Variants in UGT1A10 observed in about 807,000 individuals in gnomAD.
UGT1A10 encodes UDP glucuronosyltransferase family 1 member A10, also known as UDP-glucuronosyltransferase 1A10.
UGT1A10 carries 49 observed loss-of-function variants against 45.8 expected under a neutral mutation model. That is an observed-to-expected ratio of 1.07 (90% CI 0.85 to 1.36). The LOEUF is 1.36. Among genes scored for constraint, UGT1A10 ranks in the 40% most tolerant of loss-of-function variants. UGT1A10 has a pLI of 0.00. For missense variants in UGT1A10, 745 were observed against 668.6 expected (o/e 1.11, Z -1.26); for synonymous variants, 284 against 249.7 (o/e 1.14, Z -1.29).
In UGT1A10 at chr2:233,636,939, G is replaced by C. The variant is rs769021073; in HGVS notation, c.417G>C (p.Glu139Asp). ...GAAAATTAGTAGAATACTTAAAGGA[G>C]AGTTCTTTTGATGCAGTGTTTCTGG... ...NDRKLVEYLK[E>D]SSFDAVFLDP... Residue 139 changes from glutamate to aspartate, a missense_variant, in exon 1 of 5, where the codon GAG (glutamate) becomes GAC (aspartate). Coordinates refer to ENST00000344644, the MANE Select transcript of UGT1A10 (RefSeq NM_019075.4). 1.2e-6 allele frequency: 2 copies of C among 1,614,124 alleles called. No individual in the cohort carries two copies. The highest frequency in any genetic ancestry group is 1.7e-6 in the Non-Finnish European group (2 of 1,180,026).
At chr2:233,668,948 G>T (rs184928409) in intron 1 of UGT1A10, among the ~76,000 whole-genome samples, 38 of 152,296 alleles carry the variant, frequency 2.5e-4, no homozygotes, top group Admixed American at 9.2e-4. Flanking sequence ...AGCAATTCTG[G>T]TGAGGTATTC....
chr2:233,685,762 A>C (rs1323396149), intron 1 of UGT1A10, among the ~76,000 whole-genome samples: 1 of 152,156 alleles, frequency 6.6e-6, no homozygotes, highest in Non-Finnish European at 1.5e-5. Context: ...TTAAAGAAAA[A>C]TTTTGACTTT....
intron 1 of UGT1A10, among the ~76,000 whole-genome samples, chr2:233,641,454 G>T (rs1320046787): frequency 6.6e-6 from 1 of 152,152 alleles, no homozygotes; most frequent in African/African-American, 2.4e-5. Flanking sequence ...ATATCTTGTT[G>T]TACTGCCTAT....
Position 233,767,879 on chromosome 2 carries a change from T to C in UGT1A10, c.1018T>C (p.Ser340Pro). 1 of 1,614,180 alleles carries C rather than the reference T, an allele frequency of 6.2e-7. No homozygotes were observed. The highest frequency in any genetic ancestry group is 1.6e-4 in the Middle Eastern group (1 of 6,062). ...VLWRYTGTRP[S>P]NLANNTILVK... ...GTGGCGGTACACTGGAACCCGACCA[T>C]CGAATCTTGCGAACAACACGATACT... The change falls in exon 3 of 5, where the codon TCG becomes CCG. Residue 340 changes from serine (S) to proline (P), a missense_variant. Coordinates refer to ENST00000344644, the MANE Select transcript of UGT1A10 (RefSeq NM_019075.4).
At chr2:233,674,190 G>A (rs368031414) in intron 1 of UGT1A10, among the ~76,000 whole-genome samples, 1 of 152,166 alleles carries the variant, frequency 6.6e-6, no homozygotes, top group South Asian at 2.1e-4. Context: ...ATTGGCAGAT[G>A]TTTGGTGAAA....
intron 1 of UGT1A10, chr2:233,672,879 AT>A: frequency 6.6e-7 from 1 of 1,514,768 alleles, no homozygotes; most frequent in Non-Finnish European, 8.8e-7. Context: ...TGACATTTTC[AT>A]TTGTTTCATT....
At chr2:233,710,142 A>G (rs971862599) in intron 1 of UGT1A10, among the ~76,000 whole-genome samples, 1 of 152,224 alleles carries the variant, frequency 6.6e-6, no homozygotes, top group Non-Finnish European at 1.5e-5. Context: ...CATTGTATAG[A>G]TATATCATCA....
chr2:233,664,225 AT>A (rs2074031665), intron 1 of UGT1A10, among the ~76,000 whole-genome samples: 1 of 152,170 alleles, frequency 6.6e-6, no homozygotes, highest in Admixed American at 6.5e-5. Context: ...GGTCACAAGC[AT>A]TTAACCAGTC....
intron 1 of UGT1A10, chr2:233,755,218 C>A (rs1203897935): frequency 2.4e-5 from 25 of 1,027,326 alleles, no homozygotes; most frequent in Non-Finnish European, 3.5e-5. Flanking sequence ...TTCTTGATAC[C>A]CTCGGACGAG....
At chr2:233,732,540 C>T (rs929935072) in intron 1 of UGT1A10, among the ~76,000 whole-genome samples, 1 of 152,202 alleles carries the variant, frequency 6.6e-6, no homozygotes, top group Non-Finnish European at 1.5e-5. Context: ...CCAGTTTTCC[C>T]AGCACCATTT....
chr2:233,739,265 T>C (rs749101347), intron 1 of UGT1A10, among the ~76,000 whole-genome samples: 1 of 152,088 alleles, frequency 6.6e-6, no homozygotes, highest in Non-Finnish European at 1.5e-5. Flanking sequence ...AAATGTGAGG[T>C]TGGAGCCCCC....
intron 1 of UGT1A10, chr2:233,741,740 C>G (rs1158976781): frequency 1.3e-5 from 2 of 151,864 alleles, no homozygotes; most frequent in Admixed American, 6.6e-5. Flanking sequence ...CCATATCACA[C>G]TCTTTGTTGG....
intron 1 of UGT1A10, chr2:233,743,847 G>C (rs771949487): frequency 2.9e-6 from 4 of 1,367,222 alleles, no homozygotes; most frequent in East Asian, 4.5e-5. Flanking sequence ...GCCAGCTTGC[G>C]GTACGCCTTC....
At chr2:233,768,083 C>T in intron 3 of UGT1A10, 137 bp from the exon 4 acceptor site, 1 of 1,591,312 alleles carries the variant, frequency 6.3e-7, no homozygotes, top group Non-Finnish European at 8.6e-7. Flanking sequence ...GGTATCTCAA[C>T]CCACATTTTC....
intron 1 of UGT1A10, among the ~76,000 whole-genome samples, chr2:233,757,286 A>G (rs1696467514): frequency 8.1e-6 from 1 of 123,644 alleles, no homozygotes. Flanking sequence ...TTCAGAAGGG[A>G]CAGCTGGGGG....
intron 1 of UGT1A10, among the ~76,000 whole-genome samples, chr2:233,751,671 A>C (rs1207862608): frequency 1.3e-5 from 2 of 152,074 alleles, no homozygotes; most frequent in Non-Finnish European, 2.9e-5. Context: ...GTGAGTTCTA[A>C]TGAGAGCTGA....
chr2:233,760,198 T>C (rs907119126), intron 1 of UGT1A10: 1 of 1,579,636 alleles, frequency 6.3e-7, no homozygotes, highest in Admixed American at 1.7e-5. Context: ...CGTGACACAG[T>C]CAAACATTAA....
At chr2:233,641,474 AGTT>A (rs952566267) in intron 1 of UGT1A10, among the ~76,000 whole-genome samples, 2 of 152,304 alleles carry the variant, frequency 1.3e-5, no homozygotes, top group Admixed American at 6.5e-5. Context: ...TATCTTAAAA[AGTT>A]GTTTAGTTAT....
At chr2:233,755,091 T>C (rs747522597) in intron 1 of UGT1A10, 2 of 1,335,830 alleles carry the variant, frequency 1.5e-6, no homozygotes, top group East Asian at 4.6e-5. Flanking sequence ...ATCGCGTTTC[T>C]ACGCGTCCGA....
Sources: gnomAD v4.1 joint callset for allele counts (sites outside exome capture counted in the v4.1 genomes callset) on GRCh38, gnomAD v4.1.1 for gene constraint, MANE v1.5 for transcripts, NCBI Gene and HGNC (gene_info 2026-07-23, HGNC 2026-07-21) for gene names.